S1PR3: variants seen among roughly 807,000 people sequenced by gnomAD.
S1PR3 encodes the protein sphingosine-1-phosphate receptor 3.
S1PR3 carries 12 observed loss-of-function variants against 13.3 expected under a neutral mutation model. The observed-to-expected ratio is 0.90, with a 90% CI of 0.58 to 1.46. S1PR3 has a LOEUF of 1.46. S1PR3 is among the 40% of genes most tolerant of loss of function. The pLI, the probability that S1PR3 is intolerant of heterozygous loss-of-function variation, is 0.00. For missense variants in S1PR3, 450 were observed against 501.9 expected (o/e 0.90, Z 0.99); for synonymous variants, 232 against 214.0 (o/e 1.08, Z -0.73).
In S1PR3 at chr9:89,001,601, T is replaced by G; in HGVS notation, c.401T>G (p.Ile134Ser). The G allele has an allele frequency of 6.2e-7, 1 of 1,614,210 alleles. No homozygotes were observed. Among genetic ancestry groups the G allele is most frequent in the South Asian group, 1.1e-5 (1 of 91,084 alleles). The change falls in exon 2 of 2, where the codon ATC becomes AGC. Residue 134 changes from isoleucine to serine, a missense_variant. Coordinates refer to ENST00000358157, the MANE Select transcript of S1PR3 (RefSeq NM_005226.4). ...ACCTGCAGCTTACTGGCCATCGCCA[T>G]CGAGCGGCACTTGACAATGATCAAA... ...ASTCSLLAIA[I>S]ERHLTMIKMR...
chr9:88,991,480 AG>A lies in S1PR3; in HGVS notation c.-362del. 1 of 1,547,672 alleles carries A rather than the reference AG, an allele frequency of 6.5e-7. No homozygotes were observed. The highest frequency in any genetic ancestry group is 1.2e-5 in the South Asian group (1 of 83,968). ...GACTCGCTCGGGCAGAGGCCGAGGA[AG>A]CCGGTTCCGGGGACGGGCAACAGGG... is the stretch of plus-strand genomic sequence containing the variant. On this transcript the variant is annotated 5_prime_UTR_variant, in exon 1 of 2. Transcript: ENST00000358157. This position sits in a 1 kb window ranked among gnomAD's most constrained non-coding sequence, Gnocchi z 4.0.
upstream of S1PR3, chr9:88,991,080 C>A: frequency 6.2e-7 from 1 of 1,613,414 alleles, no homozygotes; most frequent in Non-Finnish European, 8.5e-7. This position sits in a 1 kb window ranked among gnomAD's most constrained non-coding sequence, Gnocchi z 4.0. Context: ...GTCAGGGCGA[C>A]AGGCGCCCGC....
intron 1 of S1PR3, chr9:88,992,608 C>A (rs1825735995): frequency 1.3e-5 from 2 of 152,240 alleles, no homozygotes; most frequent in African/African-American, 4.8e-5. Flanking sequence ...CATAATTTAT[C>A]TTTTCAATGT....
chr9:89,002,199 C>T lies in S1PR3; in HGVS notation c.999C>T (p.Asp333=). Reference sequence around the variant, plus strand: ...CCTCACCCATCCAGCCTGCGCTCGACCCAAGCAGAAGTAAATCAAGCAGCA... The same window carrying T: ...CCTCACCCATCCAGCCTGCGCTCGATCCAAGCAGAAGTAAATCAAGCAGCA... ...ARASPIQPAL[D]PSRSKSSSSN... The change falls in exon 2 of 2, where the codon GAC becomes GAT. Residue 333 remains aspartate, a synonymous_variant. Coordinates refer to ENST00000358157, the MANE Select transcript of S1PR3 (RefSeq NM_005226.4). The T allele has an allele frequency of 6.2e-7, 1 of 1,614,004 alleles. No homozygotes were observed. The highest frequency in any genetic ancestry group is 8.5e-7 in the Non-Finnish European group (1 of 1,180,022).
chr9:88,991,139 C>T, upstream of S1PR3: 2 of 1,611,346 alleles, frequency 1.2e-6, no homozygotes, highest in South Asian at 1.1e-5. The surrounding 1 kb of genome is among the most constrained non-coding windows in gnomAD (Gnocchi z 4.0). Context: ...CGCTGGGTCT[C>T]TGGGCGCCCG....
At chr9:88,998,528 T>A (rs1256739700) in intron 1 of S1PR3, 1 of 152,262 alleles carries the variant, frequency 6.6e-6, no homozygotes, top group Non-Finnish European at 1.5e-5. Context: ...AAAAGGACAG[T>A]ATCTTTTTAG....
chr9:89,000,034 TAAAATA>T (rs1825849250), intron 1 of S1PR3: 1 of 144,708 alleles, frequency 6.9e-6, no homozygotes, highest in African/African-American at 2.8e-5. Context: ...AAATAAAAAA[TAAAATA>T]AAATAAGTGA....
At chr9:88,998,716 A>C in intron 1 of S1PR3, 1 of 152,204 alleles carries the variant, frequency 6.6e-6, no homozygotes, top group East Asian at 1.9e-4. Context: ...GAGAAAAGTC[A>C]CCAGGGGCTG....
Position 89,004,270 on chromosome 9 carries a change from G to T in S1PR3, c.*1933G>T, listed in dbSNP as rs559975704. On this transcript the variant is annotated 3_prime_UTR_variant, in exon 2 of 2. Coordinates refer to ENST00000358157, the MANE Select transcript of S1PR3 (RefSeq NM_005226.4). ...AAAAATTAGCTGGATGCGATAGCAC[G>T]TGCCTGTAGTCCCAGCTACTCGGGA... The T allele has an allele frequency of 6.6e-6, 1 of 152,072 alleles. No homozygotes were observed. The highest frequency in any genetic ancestry group is 2.1e-4 in the South Asian group (1 of 4,818). The allele number at this position is 152,072 out of a possible 1,614,324, so 9.4% of individuals were successfully genotyped here.
Position 88,991,662 on chromosome 9 carries a change from A to T in S1PR3, c.-181A>T, listed in dbSNP as rs768999755. On this transcript the variant is annotated 5_prime_UTR_variant, in exon 1 of 2. An upstream start codon of the reference 5' UTR is lost. Transcript: ENST00000358157. This position sits in a 1 kb window ranked among gnomAD's most constrained non-coding sequence, Gnocchi z 4.0. ...GCACCGCCGCGCGCCACCCGCTAGG[A>T]TGCCGGTGGCCCCAGCGCCCTCAGC... 4 of 1,516,998 alleles carry T rather than the reference A, an allele frequency of 2.6e-6. No individual in the cohort carries two copies. Among genetic ancestry groups the T allele is most frequent in the Admixed American group, 4.3e-5 (2 of 46,140 alleles). 94.0% of individuals were successfully genotyped at this position (1,516,998 alleles called of 1,614,324 possible).
chr9:88,990,933 C>A, upstream of S1PR3: 3 of 1,596,768 alleles, frequency 1.9e-6, no homozygotes, highest in South Asian at 2.2e-5. Context: ...CAAACAAAAA[C>A]GCTGTCCGGC....
chr9:88,990,905 G>C, upstream of S1PR3: 1 of 1,518,852 alleles, frequency 6.6e-7, no homozygotes, highest in South Asian at 1.2e-5. Context: ...GGGGACCCGC[G>C]CGGAAAAGGA....
In S1PR3 at chr9:89,002,286, C is replaced by T; in HGVS notation, c.1086C>T (p.Ser362=). The change falls in exon 2 of 2, where the codon TCC becomes TCT. Residue 362 remains serine, a synonymous_variant. Coordinates refer to ENST00000358157, the MANE Select transcript of S1PR3 (RefSeq NM_005226.4). The part of the protein sequence containing the change: ...KEDLPHTAPS[S]CIMDKNAALQ... The stretch of plus-strand genomic sequence containing the variant: ...ACCTGCCCCACACAGCCCCCTCATC[C>T]TGCATCATGGACAAGAACGCAGCAC... The T allele has an allele frequency of 6.2e-7, 1 of 1,614,172 alleles. No individual in the cohort carries two copies. The highest frequency in any genetic ancestry group is 8.5e-7 in the Non-Finnish European group (1 of 1,180,036).
At chr9:88,991,096 C>T, upstream of S1PR3, 2 of 1,613,244 alleles carry the variant, frequency 1.2e-6, no homozygotes, top group Non-Finnish European at 1.7e-6. This position sits in a 1 kb window ranked among gnomAD's most constrained non-coding sequence, Gnocchi z 4.0. Context: ...CCCGCCCAAG[C>T]CCAGACCTCG....
At chr9:88,994,727 T>C (rs945072566) in intron 1 of S1PR3, 1 of 167,052 alleles carries the variant, frequency 6.0e-6, no homozygotes, top group Non-Finnish European at 1.5e-5. Context: ...TAGCTCATAA[T>C]GTCCCAGCCT....
chr9:88,996,903 T>G (rs1825809652), intron 1 of S1PR3: 1 of 152,220 alleles, frequency 6.6e-6, no homozygotes, highest in African/African-American at 2.4e-5. Context: ...AAACTTGAGG[T>G]CTGTGGCTGG....
chr9:88,991,130 G>A (rs1225142347), upstream of S1PR3: 1 of 1,612,032 alleles, frequency 6.2e-7, no homozygotes. This position sits in a 1 kb window ranked among gnomAD's most constrained non-coding sequence, Gnocchi z 4.0. Context: ...GCCTGTTCCC[G>A]CTGGGTCTCT....
In S1PR3 at chr9:89,001,526, C is replaced by T. The variant is rs201536511; in HGVS notation, c.326C>T (p.Thr109Met). ...SGKKTFSLSP[T>M]VWFLREGSMF... ...AAGAAGACGTTCAGCCTGTCTCCCA[C>T]GGTCTGGTTCCTCAGGGAGGGCAGT... The change falls in exon 2 of 2, where the codon ACG becomes ATG. Residue 109 changes from threonine (T) to methionine (M), a missense_variant. Physicochemically the swap from Thr to Met is moderately conservative, Grantham distance 81. Transcript: ENST00000358157. The T allele has an allele frequency of 3.1e-5, 50 of 1,614,256 alleles. No homozygotes were observed. Among genetic ancestry groups the T allele is most frequent in the Non-Finnish European group, 4.1e-5 (48 of 1,180,048 alleles).
chr9:89,003,703 A>G lies in S1PR3; in HGVS notation c.*1366A>G, dbSNP rs2118608690. The G allele has an allele frequency of 6.0e-6, 1 of 167,072 alleles. No individual in the cohort carries two copies. The highest frequency in any genetic ancestry group is 6.5e-5 in the Admixed American group (1 of 15,304). The allele number at this position is 167,072 out of a possible 1,614,324, so 10.3% of individuals were successfully genotyped here. On this transcript the variant is annotated 3_prime_UTR_variant, in exon 2 of 2. Coordinates refer to ENST00000358157, the MANE Select transcript of S1PR3 (RefSeq NM_005226.4). Reference sequence around the variant, plus strand: ...TTGCTGTGTTGAGTTCTCTTTAAAAACAAGGACAAAACCAACCAGCGTTCA... The same window carrying G: ...TTGCTGTGTTGAGTTCTCTTTAAAAGCAAGGACAAAACCAACCAGCGTTCA...
Sources: gnomAD v4.1 joint callset for allele counts on GRCh38, gnomAD v4.1.1 for gene constraint, Gnocchi (gnomAD v3.1) non-coding constraint, MANE v1.5 for transcripts, NCBI Gene and HGNC (gene_info 2026-07-23, HGNC 2026-07-21) for gene names.